Variants in IRAK2 observed in about 807,000 individuals in gnomAD.
IRAK2 encodes the protein interleukin 1 receptor associated kinase 2, also known as interleukin-1 receptor-associated kinase-like 2.
In IRAK2, 57 loss-of-function variants were observed where a neutral mutation model predicts 72.0. The observed-to-expected ratio is 0.79, with a 90% CI of 0.64 to 0.99. IRAK2 has a LOEUF of 0.99. IRAK2 is among the 50% of genes least tolerant of loss of function. IRAK2 has a pLI of 0.00. For synonymous variants in IRAK2, 293 were observed against 312.7 expected (o/e 0.94, Z 0.67); for missense variants, 790 against 794.4 (o/e 0.99, Z 0.07).
chr3:10,227,218 CG>C (rs1365974098), intron 10 of IRAK2, among the ~76,000 whole-genome samples: 1 of 151,874 alleles, frequency 6.6e-6, no homozygotes, highest in Admixed American at 6.6e-5. Flanking sequence ...GAGGCCAAGG[CG>C]GGCGGATCAC....
At chr3:10,236,341 G>GTTTTTTTTTTT (rs1338122281) in intron 11 of IRAK2, among the ~76,000 whole-genome samples, 3 of 125,236 alleles carry the variant, frequency 2.4e-5, no homozygotes, top group African/African-American at 9.3e-5. Flanking sequence ...GAGCCACTAA[G>GTTTTTTTTTTT]GTTTTTTTTT....
At chr3:10,225,864 C>T (rs1033387363) in intron 9 of IRAK2, among the ~76,000 whole-genome samples, 5 of 151,886 alleles carry the variant, frequency 3.3e-5, no homozygotes, top group Admixed American at 2.6e-4. Context: ...GCGCCTGGCT[C>T]ATTTTTTTGT....
intron 10 of IRAK2, among the ~76,000 whole-genome samples, chr3:10,233,210 C>T (rs1413201395): frequency 3.9e-5 from 6 of 152,016 alleles, no homozygotes; most frequent in East Asian, 1.9e-4. Flanking sequence ...CCGCCATGCC[C>T]GGCTAATTTT....
chr3:10,229,352 C>T (rs985482907), intron 10 of IRAK2, among the ~76,000 whole-genome samples: 5 of 152,160 alleles, frequency 3.3e-5, no homozygotes, highest in African/African-American at 9.7e-5. Context: ...TGGGCTCAAG[C>T]GATCTTCCCA....
chr3:10,234,499 C>G lies in IRAK2; in HGVS notation c.1313C>G (p.Ser438Trp), dbSNP rs1474900241. The G allele has an allele frequency of 3.7e-6, 6 of 1,614,190 alleles. No individual in the cohort carries two copies. The highest frequency in any genetic ancestry group is 5.1e-6 in the Non-Finnish European group (6 of 1,180,024). Residue 438 changes from serine (S) to tryptophan (W), a missense_variant, in exon 11 of 13, where the codon TCG (serine) becomes TGG (tryptophan). Physicochemically the swap from Ser to Trp is radical, Grantham distance 177 (BLOSUM62 -3). Transcript: ENST00000256458. ...AGTGATATTCCAAGCAGCACCGCCT[C>G]GCTCTGCTCCAGGAAGACGGGCGTG... is the stretch of plus-strand genomic sequence containing the variant. ...LLSDIPSSTA[S>W]LCSRKTGVEN...
At chr3:10,181,468 TG>T (rs1431685305) in intron 2 of IRAK2, among the ~76,000 whole-genome samples, 1 of 151,838 alleles carries the variant, frequency 6.6e-6, no homozygotes, top group African/African-American at 2.4e-5. Context: ...AAAAATTAGC[TG>T]GGCTCCTGTA....
intron 11 of IRAK2, among the ~76,000 whole-genome samples, chr3:10,237,927 C>CTGTGTGTGTGTG: frequency 1.1e-5 from 1 of 89,862 alleles, no homozygotes; most frequent in Non-Finnish European, 2.4e-5. Context: ...TGTATGTGTG[C>CTGTGTGTGTGTG]TCTGTGTGTG....
intron 2 of IRAK2, among the ~76,000 whole-genome samples, chr3:10,184,279 A>T (rs1439058138): frequency 6.6e-6 from 1 of 152,160 alleles, no homozygotes. Flanking sequence ...TTTTATGTGC[A>T]ACTAAAGCTT....
At chr3:10,170,145 G>T (rs1314256931) in intron 1 of IRAK2, among the ~76,000 whole-genome samples, 1 of 152,180 alleles carries the variant, frequency 6.6e-6, no homozygotes, top group African/African-American at 2.4e-5. Context: ...CCTGAGGCCT[G>T]CAGCATCCTG....
intron 2 of IRAK2, among the ~76,000 whole-genome samples, chr3:10,185,879 A>T (rs1413163743): frequency 6.6e-6 from 1 of 151,582 alleles, no homozygotes; most frequent in East Asian, 1.9e-4. Context: ...CCGTCTCAAA[A>T]ATAAATAAAA....
chr3:10,202,727 T>C (rs371976922), intron 3 of IRAK2, among the ~76,000 whole-genome samples: 76 of 144,556 alleles, frequency 5.3e-4, no homozygotes, highest in African/African-American at 1.9e-3. Flanking sequence ...GGCCTTGCTC[T>C]GTTGCCCAGG....
At chr3:10,234,342 C>A (rs1370118024) in intron 10 of IRAK2, 117 bp from the exon 11 acceptor site, 2 of 743,652 alleles carry the variant, frequency 2.7e-6, no homozygotes, top group South Asian at 1.6e-5. Context: ...TTTATTCTTA[C>A]GATGTCCGGT....
intron 2 of IRAK2, among the ~76,000 whole-genome samples, chr3:10,184,724 T>TGG (rs201697697): frequency 1.1e-4 from 1 of 9,062 alleles, no homozygotes; most frequent in Admixed American, 1.1e-3. Context: ...TTTTTGTGTG[T>TGG]TTTTTTTTTT....
intron 3 of IRAK2, among the ~76,000 whole-genome samples, chr3:10,209,315 G>C (rs978994246): frequency 3.3e-5 from 5 of 152,254 alleles, no homozygotes; most frequent in African/African-American, 1.2e-4. Flanking sequence ...CTACTGGCTG[G>C]GTGGTCCTGA....
In IRAK2 at chr3:10,188,684, G is replaced by A. The variant is rs143531940; in HGVS notation, c.277+10664G>A. Among the ~76,000 whole-genome samples, 1,431 of 152,298 alleles carry A rather than the reference G, an allele frequency of 9.4e-3. 18 individuals are homozygous for A. Among genetic ancestry groups the A allele is most frequent in the African/African-American group, 0.031 (1,304 of 41,556 alleles). On this transcript the variant is annotated intron_variant, in intron 2 of 12. Transcript: ENST00000256458. The stretch of plus-strand genomic sequence containing the variant: ...TGGGATTACAGGCATGCGCCACCAC[G>A]CCCGGCTTATTTTGTATTTTTAGTA...
chr3:10,167,808 T>G (rs1696720938), intron 1 of IRAK2, among the ~76,000 whole-genome samples: 1 of 152,216 alleles, frequency 6.6e-6, no homozygotes, highest in South Asian at 2.1e-4. Context: ...TTTTCACTTT[T>G]GGGCCATTGT....
chr3:10,191,512 C>A (rs375115447), intron 2 of IRAK2, among the ~76,000 whole-genome samples: 1 of 152,202 alleles, frequency 6.6e-6, no homozygotes, highest in Admixed American at 6.5e-5. Flanking sequence ...TCACCTCTAC[C>A]ACTTTCCCCC....
chr3:10,201,959 A>C (rs1018403526), intron 3 of IRAK2, among the ~76,000 whole-genome samples: 1 of 152,220 alleles, frequency 6.6e-6, no homozygotes, highest in East Asian at 1.9e-4. Flanking sequence ...CAGTTTACTC[A>C]TTTGTAAAAT....
chr3:10,231,328 G>C (rs1299551538), intron 10 of IRAK2, among the ~76,000 whole-genome samples: 2 of 151,938 alleles, frequency 1.3e-5, no homozygotes, highest in East Asian at 3.9e-4. Context: ...GTCTCCCTCT[G>C]TGGCCCAGGC....
Sources: allele counts gnomAD v4.1 joint callset (sites outside exome capture counted in the v4.1 genomes callset), GRCh38; gene constraint gnomAD v4.1.1; transcripts MANE v1.5; gene names NCBI Gene and HGNC (gene_info 2026-07-23, HGNC 2026-07-21).